The following GPC6 variants were observed in gnomAD, a reference collection of about 807,000 sequenced individuals.
GPC6 encodes the protein glypican-6.
GPC6 carries 14 observed loss-of-function variants against 55.2 expected under a neutral mutation model. That is an observed-to-expected ratio of 0.25 (90% CI 0.17 to 0.40). GPC6 has a LOEUF of 0.40. Ranked by LOEUF, GPC6 falls within the 10% of genes least tolerant of loss-of-function variation. The probability of loss-of-function intolerance (pLI) is 1.00; values close to 1 mark genes in which losing one functional copy is unlikely to be tolerated. For synonymous variants in GPC6, 278 were observed against 259.6 expected (o/e 1.07, Z -0.68); for missense variants, 641 against 708.5 (o/e 0.90, Z 1.08).
Position 93,902,016 on chromosome 13 carries a change from G to A in GPC6, c.711+71471G>A, listed in dbSNP as rs118108782. ...TATTTTGTGTAAAAATCAAATCAGG[G>A]CAATTTAGCATATCTATAAATTATA... On this transcript the variant is annotated intron_variant, in intron 3 of 8. Coordinates refer to ENST00000377047, the MANE Select transcript of GPC6 (RefSeq NM_005708.5). Among the ~76,000 whole-genome samples, 45 of 151,732 alleles carry A rather than the reference G, an allele frequency of 3.0e-4. No individual in the cohort carries two copies. In the East Asian group the frequency reaches 7.7e-3, roughly 26 times the overall value.
At chr13:93,986,524 G>C (rs1379180159) in intron 3 of GPC6, among the ~76,000 whole-genome samples, 1 of 152,090 alleles carries the variant, frequency 6.6e-6, no homozygotes, top group Non-Finnish European at 1.5e-5. Context: ...GAAATAACAG[G>C]AGTTCAGATG....
At chr13:93,924,601 T>G (rs1029354498) in intron 3 of GPC6, among the ~76,000 whole-genome samples, 33 of 152,244 alleles carry the variant, frequency 2.2e-4, no homozygotes, top group African/African-American at 7.0e-4. Context: ...GGGTTCAGGA[T>G]AACAGCTTTT....
At chr13:94,226,549 A>C (rs1890564498) in intron 4 of GPC6, among the ~76,000 whole-genome samples, 1 of 152,098 alleles carries the variant, frequency 6.6e-6, no homozygotes, top group Admixed American at 6.6e-5. Flanking sequence ...CATAAATACA[A>C]TTTTTTAAAA....
chr13:93,263,046 G>A (rs1432033392), intron 1 of GPC6, among the ~76,000 whole-genome samples: 1 of 152,148 alleles, frequency 6.6e-6, no homozygotes, highest in East Asian at 1.9e-4. Context: ...CCAGAAAAAG[G>A]GTGGAGATTT....
intron 1 of GPC6, among the ~76,000 whole-genome samples, chr13:93,432,196 G>A (rs1205706229): frequency 6.6e-6 from 1 of 152,122 alleles, no homozygotes; most frequent in Non-Finnish European, 1.5e-5. Context: ...TAGAGGCAGT[G>A]AGTTATATGT....
At chr13:94,004,739 G>A (rs1046037483) in intron 3 of GPC6, among the ~76,000 whole-genome samples, 5 of 152,208 alleles carry the variant, frequency 3.3e-5, no homozygotes, top group Admixed American at 6.5e-5. Flanking sequence ...TTGTTACAAT[G>A]CATGATGAAC....
At chr13:94,371,783 T>C (rs1166911674) in intron 6 of GPC6, among the ~76,000 whole-genome samples, 1 of 152,208 alleles carries the variant, frequency 6.6e-6, no homozygotes, top group East Asian at 1.9e-4. Context: ...CCATACAGAT[T>C]CAATAATGGT....
intron 3 of GPC6, among the ~76,000 whole-genome samples, chr13:93,947,856 T>C (rs1186298089): frequency 6.6e-6 from 1 of 152,194 alleles, no homozygotes; most frequent in African/African-American, 2.4e-5. Context: ...AGAATCTCTT[T>C]GTTTCAGCAG....
chr13:94,053,959 CA>C (rs1377910174), intron 4 of GPC6, among the ~76,000 whole-genome samples: 1 of 151,764 alleles, frequency 6.6e-6, no homozygotes, highest in Non-Finnish European at 1.5e-5. Flanking sequence ...AGAGGGGCTT[CA>C]AAAAAGCAAA....
intron 3 of GPC6, among the ~76,000 whole-genome samples, chr13:93,918,952 G>A (rs916690898): frequency 3.3e-5 from 5 of 152,206 alleles, no homozygotes; most frequent in African/African-American, 1.2e-4. Context: ...CAAATCTCAA[G>A]CTGAAGTGTG....
intron 1 of GPC6, among the ~76,000 whole-genome samples, chr13:93,297,498 G>A (rs1878534171): frequency 6.6e-6 from 1 of 152,144 alleles, no homozygotes; most frequent in Non-Finnish European, 1.5e-5. Flanking sequence ...GAGTGTGTTA[G>A]CGTGCACCTG....
chr13:94,037,947 CA>C (rs1883397994), intron 4 of GPC6, among the ~76,000 whole-genome samples: 1 of 151,894 alleles, frequency 6.6e-6, no homozygotes, highest in South Asian at 2.1e-4. Context: ...TAAGACTGAG[CA>C]ACTCAATTTT....
At chr13:93,348,558 A>C (rs542301461) in intron 1 of GPC6, among the ~76,000 whole-genome samples, 1 of 152,200 alleles carries the variant, frequency 6.6e-6, no homozygotes, top group Non-Finnish European at 1.5e-5. Flanking sequence ...TGCAATCCAC[A>C]TTAGTGTTGT....
At chr13:93,450,800 G>A (rs994966582) in intron 1 of GPC6, 2 of 619,190 alleles carry the variant, frequency 3.2e-6, no homozygotes, top group African/African-American at 4.0e-5. Flanking sequence ...TGTAAGCCAT[G>A]ACAAGGAATT....
At chr13:93,848,886 G>T (rs12427803) in intron 3 of GPC6, among the ~76,000 whole-genome samples, 4 of 151,880 alleles carry the variant, frequency 2.6e-5, no homozygotes, top group Admixed American at 1.3e-4. Context: ...AACCCAGCTC[G>T]CTTGCCTCAC....
At chr13:93,375,605 C>G (rs1013594412) in intron 1 of GPC6, among the ~76,000 whole-genome samples, 2 of 152,210 alleles carry the variant, frequency 1.3e-5, no homozygotes, top group African/African-American at 2.4e-5. Context: ...CTCATTTTCA[C>G]TCCTCCCGAT....
intron 1 of GPC6, among the ~76,000 whole-genome samples, chr13:93,460,155 T>G (rs1386791891): frequency 6.6e-6 from 1 of 152,228 alleles, no homozygotes; most frequent in Non-Finnish European, 1.5e-5. Flanking sequence ...TTAAAGTCAT[T>G]CTGCCCAGTT....
intron 1 of GPC6, among the ~76,000 whole-genome samples, chr13:93,231,339 A>ACG (rs1876007808): frequency 1.6e-5 from 1 of 61,446 alleles, no homozygotes; most frequent in South Asian, 5.2e-4. Flanking sequence ...ACGTATATAT[A>ACG]TATATACATA....
chr13:93,545,898 T>C lies in GPC6; in HGVS notation c.319+477T>C, dbSNP rs543195529. ...TTGCAATCATATAGCACATTTTACA[T>C]TGCAGTTATGCATTCTGTATAAGGT... On this transcript the variant is annotated intron_variant, in intron 2 of 8. Coordinates refer to ENST00000377047, the MANE Select transcript of GPC6 (RefSeq NM_005708.5). Among the ~76,000 whole-genome samples, 3 of 152,372 alleles carry C rather than the reference T, an allele frequency of 2.0e-5. No individual in the cohort carries two copies. The East Asian group carries it at 5.8e-4, about 29-fold the overall frequency.
Sources: gnomAD v4.1 joint callset for allele counts (sites outside exome capture counted in the v4.1 genomes callset) on GRCh38, gnomAD v4.1.1 for gene constraint, MANE v1.5 for transcripts, NCBI Gene and HGNC (gene_info 2026-07-23, HGNC 2026-07-21) for gene names.